Variants in KALRN observed in about 807,000 individuals in gnomAD.
KALRN encodes kalirin.
A neutral mutation model predicts 353.7 loss-of-function variants in KALRN; 70 were observed. The observed-to-expected ratio is 0.20, with a 90% confidence interval of 0.16 to 0.24. KALRN has a LOEUF of 0.24. KALRN is among the 10% of genes least tolerant of loss of function. The pLI is 1.00. For synonymous variants in KALRN, 1,391 were observed against 1,434.8 expected, an observed-to-expected ratio of 0.97 and a Z score of 0.69; for missense variants, 2,791 against 3,756.7, an observed-to-expected ratio of 0.74 and a Z score of 6.72.
chr3:124,385,588 G>A (rs1481195222), intron 11 of KALRN, among the ~76,000 whole-genome samples: 1 of 152,162 alleles, frequency 6.6e-6, no homozygotes, highest in Non-Finnish European at 1.5e-5. Context: ...TTGCCTGACT[G>A]TGGAGTGACA....
chr3:124,096,769 T>C (rs2061476465), intron 1 of KALRN: 1 of 152,188 alleles, frequency 6.6e-6, no homozygotes, highest in Non-Finnish European at 1.5e-5. Flanking sequence ...ATATTAATAA[T>C]AATGCCTACA....
intron 5 of KALRN, 137 bp from the exon 6 acceptor site, chr3:124,298,653 AC>A: frequency 1.0e-6 from 1 of 979,802 alleles, no homozygotes; most frequent in Non-Finnish European, 1.6e-6. Flanking sequence ...CCCCATTAAG[AC>A]CCCGAGACTC....
chr3:124,048,778 C>T (rs976483176), intron 1 of KALRN, among the ~76,000 whole-genome samples: 23 of 152,198 alleles, frequency 1.5e-4, no homozygotes, highest in African/African-American at 4.8e-4. Context: ...CCACCGCACC[C>T]GGCCACCTCA....
intron 1 of KALRN, among the ~76,000 whole-genome samples, chr3:124,214,106 C>T (rs886673109): frequency 4.6e-5 from 7 of 151,838 alleles, no homozygotes; most frequent in African/African-American, 1.7e-4. Context: ...ATCTGTAATC[C>T]AACTTTTCAG....
At chr3:124,659,529 G>T (rs2084542230) in intron 43 of KALRN, 72 bp downstream of exon 43, 1 of 1,020,982 alleles carries the variant, frequency 9.8e-7, no homozygotes, top group Non-Finnish European at 1.6e-6. Context: ...TGAGCTAGGG[G>T]TAGAGCTAGC....
At chr3:124,087,605 A>T (rs780012922) in intron 1 of KALRN, among the ~76,000 whole-genome samples, 3 of 152,198 alleles carry the variant, frequency 2.0e-5, no homozygotes, top group Non-Finnish European at 4.4e-5. Context: ...GACTTAGAAC[A>T]TCAATTTATC....
chr3:124,332,312 G>A (rs921755649), intron 8 of KALRN, among the ~76,000 whole-genome samples: 2 of 151,826 alleles, frequency 1.3e-5, no homozygotes, highest in African/African-American at 2.4e-5. Flanking sequence ...CAAAGGAGGG[G>A]TGAGGGGAGG....
chr3:124,710,804 G>T (rs1310783597), intron 57 of KALRN, among the ~76,000 whole-genome samples: 1 of 152,092 alleles, frequency 6.6e-6, no homozygotes, highest in African/African-American at 2.4e-5. Context: ...AAATGGGGAT[G>T]AATTGTTTTT....
chr3:124,522,949 G>A lies in KALRN; in HGVS notation c.4935+26536G>A, dbSNP rs1307824154. On this transcript the variant is annotated intron_variant, in intron 33 of 59. Coordinates refer to ENST00000682506, the MANE Select transcript of KALRN (RefSeq NM_001388419.1). ...CCCAAGCATGGAGGAATTAAACAAG[G>A]GATGTGTCCTGAAAGGAGGTGCCAA... Among the ~76,000 whole-genome samples, 3 of 152,180 alleles carry A rather than the reference G, an allele frequency of 2.0e-5. No individual in the cohort carries two copies. In the East Asian group the frequency reaches 5.8e-4, roughly 29 times the overall value.
At chr3:124,492,667 G>A in intron 31 of KALRN, 73 bp from the exon 32 acceptor site, 1 of 1,475,028 alleles carries the variant, frequency 6.8e-7, no homozygotes, top group East Asian at 2.3e-5. Context: ...GAAGACTGCA[G>A]GAGGGTTGAG....
In KALRN at chr3:124,268,941, C is replaced by T. The variant is rs147943506; in HGVS notation, c.655C>T (p.Pro219Ser). The change falls in exon 5 of 60, where the codon CCT becomes TCT. Residue 219 changes from proline (P) to serine (S), a missense_variant. This residue lies in a region of KALRN where 366 missense variants were observed against 489.2 expected (regional missense o/e 0.75). Coordinates refer to ENST00000682506, the MANE Select transcript of KALRN (RefSeq NM_001388419.1). Reference protein sequence around the residue: ...LQEMLARKEFPVDVEGSRRLI... With the variant: ...LQEMLARKEFSVDVEGSRRLI... ...GGAGATGCTAGCCCGGAAGGAGTTT[C>T]CTGTGGATGTGGAGGGCTCTCGGCG... is the stretch of plus-strand genomic sequence containing the variant. The T allele has an allele frequency of 6.8e-6, 11 of 1,614,070 alleles. No homozygotes were observed. Among genetic ancestry groups the T allele is most frequent in the Non-Finnish European group, 9.3e-6 (11 of 1,179,978 alleles).
At chr3:124,262,861 T>C (rs922144696) in intron 3 of KALRN, among the ~76,000 whole-genome samples, 2 of 152,220 alleles carry the variant, frequency 1.3e-5, no homozygotes, top group Non-Finnish European at 2.9e-5. Flanking sequence ...GTAACATACA[T>C]AGTGGTTTAA....
intron 34 of KALRN, among the ~76,000 whole-genome samples, chr3:124,598,317 A>T (rs960077036): frequency 6.6e-6 from 1 of 152,198 alleles, no homozygotes; most frequent in Non-Finnish European, 1.5e-5. Context: ...AGGTCGGAAG[A>T]CTTTCTTGAG....
chr3:124,640,372 C>T (rs2081911979), intron 37 of KALRN, among the ~76,000 whole-genome samples: 1 of 151,076 alleles, frequency 6.6e-6, no homozygotes, highest in South Asian at 2.1e-4. Flanking sequence ...CTGCAACCTC[C>T]ACCTCCCAGG....
intron 34 of KALRN, among the ~76,000 whole-genome samples, chr3:124,603,154 G>C (rs1284948471): frequency 6.6e-6 from 1 of 152,126 alleles, no homozygotes; most frequent in African/African-American, 2.4e-5. Flanking sequence ...TACACACACA[G>C]ACTTTTATAC....
chr3:124,697,265 T>A (rs1383826051), intron 54 of KALRN, among the ~76,000 whole-genome samples: 6 of 152,174 alleles, frequency 3.9e-5, no homozygotes, highest in Non-Finnish European at 8.8e-5. Context: ...TTGTAAAAAT[T>A]CAAAAATAAA....
chr3:124,095,659 A>G lies in KALRN; in HGVS notation c.73+61846A>G, dbSNP rs138482972. 5 of 152,374 alleles carry G rather than the reference A, an allele frequency of 3.3e-5. No individual in the cohort carries two copies. In the South Asian group the frequency reaches 1.0e-3, roughly 32 times the overall value. The allele number at this position is 152,374 out of a possible 1,614,324, so 9.4% of individuals were successfully genotyped here. On this transcript the variant is annotated intron_variant, in intron 1 of 59. Coordinates refer to ENST00000682506, the MANE Select transcript of KALRN (RefSeq NM_001388419.1). ...GGTTAATCTGACCTTAATACATTTT[A>G]TCAAATATTAATGCAATTAAAGTCT...
intron 33 of KALRN, among the ~76,000 whole-genome samples, chr3:124,522,557 T>C (rs2067252898): frequency 6.6e-6 from 1 of 152,188 alleles, no homozygotes; most frequent in Non-Finnish European, 1.5e-5. Context: ...TGTGGGGCAC[T>C]AAAGAAGTAG....
rs2059336569 is a variant in KALRN at position 124,456,722 on chromosome 3, A to G, written c.3848A>G (p.Lys1283Arg). ...VNEEKRKSARKKEFIMAELLQ... is the reference protein window; with the variant it reads ...VNEEKRKSARRKEFIMAELLQ... ...GAAGAGAAGCGGAAGTCAGCCCGGAAGAAAGAGTACGTGTTGGCTTCCGCC... is the reference window on the plus strand; with the variant it reads ...GAAGAGAAGCGGAAGTCAGCCCGGAGGAAAGAGTACGTGTTGGCTTCCGCC... The change falls in exon 23 of 60, where the codon AAG (lysine) becomes AGG (arginine). Residue 1283 changes from lysine to arginine, a missense_variant. This residue lies in a region of KALRN where 268 missense variants were observed against 347.0 expected (regional missense o/e 0.77). Transcript: ENST00000682506. 6.2e-7 allele frequency: 1 copy of G among 1,611,336 alleles called. No homozygotes were observed. Among genetic ancestry groups the G allele is most frequent in the African/African-American group, 1.3e-5 (1 of 74,980 alleles).
Sources: allele counts gnomAD v4.1 joint callset (sites outside exome capture counted in the v4.1 genomes callset), GRCh38; gene constraint gnomAD v4.1.1; regional missense constraint gnomAD v4.1.1; transcripts MANE v1.5; gene names NCBI Gene and HGNC (gene_info 2026-07-23, HGNC 2026-07-21).